The following HECTD4 variants were observed in gnomAD, a reference collection of about 807,000 sequenced individuals.
HECTD4 encodes the protein HECT domain E3 ubiquitin protein ligase 4.
HECTD4 carries 114 observed loss-of-function variants against 471.5 expected under a neutral mutation model. That is an observed-to-expected ratio of 0.24 (90% CI 0.21 to 0.28). The LOEUF (loss-of-function observed/expected upper bound fraction) is 0.28, where lower values mean the gene tolerates loss of function less well. Among genes scored for constraint, HECTD4 ranks in the 10% least tolerant of loss-of-function variants. The pLI is 1.00. For synonymous variants in HECTD4, 2,012 were observed against 2,256.0 expected, an observed-to-expected ratio of 0.89 and a Z score of 3.07; for missense variants, 3,866 against 5,651.5, an observed-to-expected ratio of 0.68 and a Z score of 10.13.
At chr12:112,271,836 A>C (rs2034420236) in intron 11 of HECTD4, among the ~76,000 whole-genome samples, 1 of 152,084 alleles carries the variant, frequency 6.6e-6, no homozygotes, top group African/African-American at 2.4e-5. Flanking sequence ...AATCATAGTC[A>C]TCATACTTGC....
At chr12:112,168,733 G>A (rs2031086865) in intron 70 of HECTD4, among the ~76,000 whole-genome samples, 1 of 152,240 alleles carries the variant, frequency 6.6e-6, no homozygotes, top group South Asian at 2.1e-4. Flanking sequence ...CTTGGGAAGT[G>A]ACTTGGCTTT....
chr12:112,250,929 C>T, intron 24 of HECTD4, 42 bp downstream of exon 24: 1 of 1,546,432 alleles, frequency 6.5e-7, no homozygotes. Flanking sequence ...AGTCCTTTTT[C>T]CTTTGCAGGC....
intron 21 of HECTD4, 125 bp from the exon 22 acceptor site, chr12:112,254,287 A>C (rs2033959597): frequency 5.0e-6 from 6 of 1,193,838 alleles, no homozygotes; most frequent in Non-Finnish European, 6.9e-6. Context: ...TCATTATAGT[A>C]TAACTAATAT....
chr12:112,299,610 G>A (rs2035121074), intron 7 of HECTD4, among the ~76,000 whole-genome samples: 1 of 150,956 alleles, frequency 6.6e-6, no homozygotes, highest in Admixed American at 6.6e-5. Context: ...GTGACAGACA[G>A]ACTCTGTCTC....
intron 21 of HECTD4, 112 bp from the exon 22 acceptor site, chr12:112,254,274 G>A (rs2033959080): frequency 1.5e-6 from 2 of 1,314,424 alleles, no homozygotes; most frequent in South Asian, 2.8e-5. Context: ...CCAGGCATTG[G>A]TGTCATTATA....
In HECTD4 at chr12:112,246,965, A is replaced by C; in HGVS notation, c.4449T>G (p.His1483Gln). The change falls in exon 29 of 76, where the codon CAT (histidine) becomes CAG (glutamine). Residue 1483 changes from histidine to glutamine, a missense_variant. This residue lies in a region of HECTD4 where 281 missense variants were observed against 499.9 expected (regional missense o/e 0.56). Coordinates refer to ENST00000682272, the MANE Select transcript of HECTD4 (RefSeq NM_001388303.1). Reference protein sequence around the residue: ...SLMNRAELLLHVTIAAQSGLT... With the variant: ...SLMNRAELLLQVTIAAQSGLT... ...GGCCCGACTGGGCTGCGATGGTGAC[A>C]TGCAGCAACAGCTCGGCTCGGTTCA... 6.2e-7 allele frequency: 1 copy of C among 1,612,286 alleles called. No individual in the cohort carries two copies. The highest frequency in any genetic ancestry group is 1.1e-5 in the South Asian group (1 of 90,980).
intron 66 of HECTD4, among the ~76,000 whole-genome samples, chr12:112,175,200 A>G (rs1411200898): frequency 1.3e-5 from 2 of 152,220 alleles, no homozygotes; most frequent in East Asian, 3.8e-4. Flanking sequence ...CCTAATCCCC[A>G]GTGTGACTAC....
rs34138419 is a variant in HECTD4, at chr12:112,186,306, C to CT, written c.9473-814dup. Among the ~76,000 whole-genome samples, 307 of 89,790 alleles carry CT rather than the reference C, an allele frequency of 3.4e-3. 1 individual carries two copies. The highest frequency in any genetic ancestry group is 9.9e-3 in the African/African-American group (243 of 24,646). 58.9% of individuals were successfully genotyped at this position (89,790 alleles called of 152,430 possible). A position where few individuals can be genotyped will look rare whatever the true frequency, so the allele number is the denominator to read the frequency against. On this transcript the variant is annotated intron_variant, in intron 60 of 75. Coordinates refer to ENST00000682272, the MANE Select transcript of HECTD4 (RefSeq NM_001388303.1). ...TGCCTGGCCATGAGGCTGGCATATT[C>CT]TTTTTTTTTTTTTTTTTTAATTATT... is the stretch of plus-strand genomic sequence containing the variant.
intron 37 of HECTD4, 145 bp from the exon 38 acceptor site, chr12:112,233,230 T>C (rs2033425271): frequency 1.6e-6 from 1 of 636,502 alleles, no homozygotes; most frequent in Non-Finnish European, 2.7e-6. Flanking sequence ...TTTTTTTTTT[T>C]TTTTTTTTTG....
At chr12:112,290,815 T>TCCAGCACA (rs1208703739) in intron 7 of HECTD4, among the ~76,000 whole-genome samples, 1 of 134,494 alleles carries the variant, frequency 7.4e-6, no homozygotes, top group Non-Finnish European at 1.5e-5. Flanking sequence ...ACCATTGCAC[T>TCCAGCACA]CCAGCCTGAG....
At position 112,213,698 on chromosome 12, in the gene HECTD4, A is replaced by T. The variant is rs2032831209; in HGVS notation, c.7466-1048T>A. On this transcript the variant is annotated intron_variant, in intron 48 of 75. Transcript: ENST00000682272. This position sits in a 1 kb window ranked among gnomAD's most constrained non-coding sequence, Gnocchi z 4.0. Reference sequence around the variant, plus strand: ...AAGACTCCGTCTCAAAAAAATATATACATATATATATATATATATATAATA... The same window carrying T: ...AAGACTCCGTCTCAAAAAAATATATTCATATATATATATATATATATAATA... Among the ~76,000 whole-genome samples, 1 of 128,328 alleles carries T rather than the reference A, an allele frequency of 7.8e-6. No individual in the cohort carries two copies. The highest frequency in any genetic ancestry group is 8.1e-5 in the Admixed American group (1 of 12,326). The allele number at this position is 128,328 out of a possible 152,430, so 84.2% of individuals were successfully genotyped here.
chr12:112,231,378 G>A (rs2033374587), intron 39 of HECTD4, 135 bp downstream of exon 39: 1 of 759,972 alleles, frequency 1.3e-6, no homozygotes, highest in Admixed American at 2.2e-5. Context: ...TACCTTGAGT[G>A]CAACTACTAC....
intron 3 of HECTD4, 77 bp from the exon 4 acceptor site, chr12:112,313,224 G>A (rs1245538302): frequency 8.1e-7 from 1 of 1,228,420 alleles, no homozygotes; most frequent in Non-Finnish European, 1.1e-6. Flanking sequence ...CTACCCCAAA[G>A]AGTAGAAACC....
At position 112,200,772 on chromosome 12, in the gene HECTD4, C is replaced by T. The variant is rs745875809; in HGVS notation, c.8433G>A (p.Thr2811=). ...DSVNELVQVE[T]YLRSEGVLVR... ...CCAGCACACCTTCACTGCGGAGGTACGTTTCTACCTGCACCAGTTCATTCA... is the reference window on the plus strand; with the variant it reads ...CCAGCACACCTTCACTGCGGAGGTATGTTTCTACCTGCACCAGTTCATTCA... The change falls in exon 55 of 76, where the codon ACG becomes ACA. Residue 2811 remains threonine, a synonymous_variant. Coordinates refer to ENST00000682272, the MANE Select transcript of HECTD4 (RefSeq NM_001388303.1). 7.4e-6 allele frequency: 12 copies of T among 1,613,054 alleles called. No individual in the cohort carries two copies. The highest frequency in any genetic ancestry group is 2.2e-5 in the East Asian group (1 of 44,880).
At chr12:112,305,394 G>A (rs894317299) in intron 7 of HECTD4, among the ~76,000 whole-genome samples, 1 of 152,002 alleles carries the variant, frequency 6.6e-6, no homozygotes, top group African/African-American at 2.4e-5. Flanking sequence ...CAGACACTTT[G>A]CACGTGTGGT....
intron 59 of HECTD4, 87 bp downstream of exon 59, chr12:112,192,473 G>A (rs988530382): frequency 1.7e-5 from 17 of 1,028,920 alleles, no homozygotes; most frequent in Non-Finnish European, 2.2e-5. Context: ...GAACATGCAA[G>A]GTACAAAATT....
At chr12:112,374,098 A>T (rs1163627950) in intron 1 of HECTD4, among the ~76,000 whole-genome samples, 1 of 151,390 alleles carries the variant, frequency 6.6e-6, no homozygotes, top group African/African-American at 2.4e-5. Context: ...GCACTTTGGG[A>T]GACTGAGACA....
At chr12:112,266,017 G>C in intron 14 of HECTD4, 34 bp from the exon 15 acceptor site, 1 of 1,433,022 alleles carries the variant, frequency 7.0e-7, no homozygotes. Flanking sequence ...AACTACCCTG[G>C]TAATGACTCC....
intron 1 of HECTD4, among the ~76,000 whole-genome samples, chr12:112,349,639 CA>C (rs1043447572): frequency 2.9e-4 from 41 of 143,590 alleles, no homozygotes; most frequent in Non-Finnish European, 2.1e-4. Flanking sequence ...GAACAGATGG[CA>C]AAAAAAAAAA....
Sources: gnomAD v4.1 joint callset for allele counts (sites outside exome capture counted in the v4.1 genomes callset) on GRCh38, gnomAD v4.1.1 for gene constraint, gnomAD v4.1.1 regional missense constraint, Gnocchi (gnomAD v3.1) non-coding constraint, MANE v1.5 for transcripts, NCBI Gene and HGNC (gene_info 2026-07-23, HGNC 2026-07-21) for gene names.